The following RAD9B variants were observed in gnomAD, a reference collection of about 807,000 sequenced individuals.
RAD9B encodes the protein RAD9 checkpoint clamp component B.
Under a neutral mutation model 48.3 loss-of-function variants are expected in RAD9B, and 41 were observed. The ratio of observed to expected loss-of-function variants is 0.85; its 90% CI spans 0.66 to 1.10. The LOEUF is 1.10. Ranked by LOEUF, RAD9B falls within the 50% of genes least tolerant of loss-of-function variation. The pLI, the probability that RAD9B is intolerant of heterozygous loss-of-function variation, is 0.00. For missense variants in RAD9B, 444 were observed against 485.1 expected (o/e 0.92, Z 0.80); for synonymous variants, 160 against 157.9 (o/e 1.01, Z -0.10).
rs1343600960 is a variant in RAD9B, at chr12:110,522,413, TA to T, written c.1125+6del. ...CCAGGGTCTCTGTGTCTCAGAAAGG[TA>T]AAAGCATTGAGATTCAACCACATCT... is the stretch of plus-strand genomic sequence containing the variant. On this transcript the variant is annotated splice_donor_region_variant and intron_variant, in intron 10 of 10. Coordinates refer to ENST00000409300, the MANE Select transcript of RAD9B (RefSeq NM_001286535.2). 6.3e-7 allele frequency: 1 copy of T among 1,592,414 alleles called. No homozygotes were observed. The highest frequency in any genetic ancestry group is 8.6e-7 in the Non-Finnish European group (1 of 1,166,408).
At position 110,521,162 on chromosome 12, in the gene RAD9B, A is replaced by T. The variant is rs185204856; in HGVS notation, c.891-1015A>T. ...GTATACTTGTATTTTCAAATTTTTT[A>T]AAAAAATTTTTTGAGACAGGGTCTC... On this transcript the variant is annotated intron_variant, in intron 9 of 10. Transcript: ENST00000409300. Among the ~76,000 whole-genome samples the T allele has an allele frequency of 6.9e-3, 1,045 of 151,558 alleles. 1 individual carries two copies. Among genetic ancestry groups the T allele is most frequent in the Non-Finnish European group, 9.4e-3 (639 of 67,766 alleles).
intron 10 of RAD9B, among the ~76,000 whole-genome samples, chr12:110,528,362 T>A (rs985565912): frequency 2.0e-5 from 3 of 152,166 alleles, no homozygotes; most frequent in African/African-American, 7.2e-5. Flanking sequence ...TTTGGAGAAG[T>A]AGATTCAGGG....
chr12:110,506,311 C>T (rs542112664), intron 3 of RAD9B, among the ~76,000 whole-genome samples: 71 of 152,160 alleles, frequency 4.7e-4, no homozygotes, highest in African/African-American at 1.6e-3. Context: ...GCCTCAGCCT[C>T]CCGAGTAGCT....
rs138451196 is a variant in RAD9B at position 110,530,920 on chromosome 12, T to G, written c.*267T>G. Reference sequence around the variant, plus strand: ...AAAAAAGCCCATTAGAGTTCTTCAATTCAATGCACGTTCACCCTAGAGCTT... The same window carrying G: ...AAAAAAGCCCATTAGAGTTCTTCAAGTCAATGCACGTTCACCCTAGAGCTT... On this transcript the variant is annotated 3_prime_UTR_variant, in exon 11 of 11. Transcript: ENST00000409300. The G allele has an allele frequency of 1.3e-3, 1,493 of 1,180,350 alleles. 7 individuals are homozygous for G. In the African/African-American group the frequency reaches 0.021, roughly 17 times the overall value. The allele number at this position is 1,180,350 out of a possible 1,614,324, so 73.1% of individuals were successfully genotyped here.
At chr12:110,505,396 G>A (rs1411891329) in intron 2 of RAD9B, among the ~76,000 whole-genome samples, 1 of 151,988 alleles carries the variant, frequency 6.6e-6, no homozygotes, top group African/African-American at 2.4e-5. Context: ...ACATAATGAC[G>A]TTTTCTGAAT....
chr12:110,511,558 T>C, intron 4 of RAD9B: 1 of 432,500 alleles, frequency 2.3e-6, no homozygotes, highest in Non-Finnish European at 4.7e-6. Context: ...GAATGGTAGA[T>C]ACCAGAGGCT....
At position 110,530,892 on chromosome 12, in the gene RAD9B, A is replaced by C. The variant is rs2135746341; in HGVS notation, c.*239A>C. On this transcript the variant is annotated 3_prime_UTR_variant, in exon 11 of 11. Coordinates refer to ENST00000409300, the MANE Select transcript of RAD9B (RefSeq NM_001286535.2). ...TGTGAGGCAGAAGAGTTTTCTGTGA[A>C]GGAAAAAAGCCCATTAGAGTTCTTC... 2.4e-6 allele frequency: 3 copies of C among 1,243,626 alleles called. No individual in the cohort carries two copies. Among genetic ancestry groups the C allele is most frequent in the Non-Finnish European group, 3.0e-6 (3 of 987,556 alleles). 77.0% of individuals were successfully genotyped at this position (1,243,626 alleles called of 1,614,324 possible).
At chr12:110,519,624 CG>C (rs1420216275) in intron 8 of RAD9B, among the ~76,000 whole-genome samples, 169 bp from the exon 9 acceptor site, 3 of 151,782 alleles carry the variant, frequency 2.0e-5, no homozygotes, top group Non-Finnish European at 2.9e-5. Context: ...TTAGTAGAGA[CG>C]GGGTTTCTTC....
intron 5 of RAD9B, 30 bp from the exon 6 acceptor site, chr12:110,515,020 A>C (rs2063565997): frequency 3.1e-6 from 4 of 1,304,330 alleles, no homozygotes; most frequent in Non-Finnish European, 4.3e-6. Context: ...TTTTTCAAAT[A>C]ATGTTAATAC....
chr12:110,511,514 C>A, intron 4 of RAD9B: 1 of 450,400 alleles, frequency 2.2e-6, no homozygotes, highest in South Asian at 1.6e-5. Flanking sequence ...ACAATGTGGA[C>A]GCTAAAAAGT....
At chr12:110,528,831 G>T (rs1419663318) in intron 10 of RAD9B, among the ~76,000 whole-genome samples, 1 of 152,176 alleles carries the variant, frequency 6.6e-6, no homozygotes, top group Non-Finnish European at 1.5e-5. Flanking sequence ...GGGTTCAAGT[G>T]ATTTTTGTGC....
At chr12:110,522,838 T>C (rs534359195) in intron 10 of RAD9B, among the ~76,000 whole-genome samples, 1 of 152,366 alleles carries the variant, frequency 6.6e-6, no homozygotes, top group East Asian at 1.9e-4. Flanking sequence ...AGTACAAACG[T>C]AAATTTCATC....
rs1285171182 is a variant in RAD9B, at chr12:110,506,566, A to G, written c.274-13A>G. On this transcript the variant is annotated splice_polypyrimidine_tract_variant and intron_variant, in intron 3 of 10. Transcript: ENST00000409300. Reference sequence around the variant, plus strand: ...TGTTAAGTATGTGCTTAATATGTATATTTCTGTTACAGTCAATTTTGCCCA... The same window carrying G: ...TGTTAAGTATGTGCTTAATATGTATGTTTCTGTTACAGTCAATTTTGCCCA... 2 of 1,220,822 alleles carry G rather than the reference A, an allele frequency of 1.6e-6. No individual in the cohort carries two copies. Among genetic ancestry groups the G allele is most frequent in the South Asian group, 2.4e-5 (2 of 82,396 alleles). 75.6% of individuals were successfully genotyped at this position (1,220,822 alleles called of 1,614,324 possible). A position where few individuals can be genotyped will look rare whatever the true frequency, so the allele number is the denominator to read the frequency against.
At chr12:110,518,195 GAAAA>G (rs201639460) in intron 6 of RAD9B, among the ~76,000 whole-genome samples, 1 of 136,632 alleles carries the variant, frequency 7.3e-6, no homozygotes, top group African/African-American at 2.8e-5. Context: ...CGTCTCAAAA[GAAAA>G]AAAAAAAAAG....
At chr12:110,507,473 ATG>A (rs2063323994) in intron 4 of RAD9B, among the ~76,000 whole-genome samples, 2 of 12,750 alleles carry the variant, frequency 1.6e-4, no homozygotes, top group Non-Finnish European at 3.3e-4. Context: ...TATAATATAT[ATG>A]TATTAAATAT....
At chr12:110,516,676 G>A (rs943415357) in intron 6 of RAD9B, among the ~76,000 whole-genome samples, 1 of 151,996 alleles carries the variant, frequency 6.6e-6, no homozygotes, top group Non-Finnish European at 1.5e-5. Context: ...GGGGCGTGGT[G>A]GTGTGCACCT....
In RAD9B at chr12:110,506,440, G is replaced by C. The variant is rs1023810901; in HGVS notation, c.274-139G>C. ...CCTGACCTCGTGATCCGCCCGCCTC[G>C]GCCTCCCAAAGTGCTGGGATTACAG... On this transcript the variant is annotated intron_variant, in intron 3 of 10. Coordinates refer to ENST00000409300, the MANE Select transcript of RAD9B (RefSeq NM_001286535.2). 3.2e-5 allele frequency: 16 copies of C among 504,528 alleles called. No homozygotes were observed. In the Middle Eastern group the frequency reaches 1.5e-3, roughly 49 times the overall value. The allele number at this position is 504,528 out of a possible 1,614,324, so 31.3% of individuals were successfully genotyped here.
At chr12:110,511,378 C>G (rs1325251468) in intron 4 of RAD9B, 1 of 383,380 alleles carries the variant, frequency 2.6e-6, no homozygotes, top group Non-Finnish European at 5.3e-6. Flanking sequence ...TATATATACA[C>G]AATGGAATAC....
Position 110,531,755 on chromosome 12 carries a change from T to C in RAD9B, c.*1102T>C, listed in dbSNP as rs1003072436. ...TTACCTGCACAAATGGACTAAAAAA[T>C]CTGGCACAAAACATTGTTATGTAAT... On this transcript the variant is annotated 3_prime_UTR_variant, in exon 11 of 11. Transcript: ENST00000409300. 15 of 868,392 alleles carry C rather than the reference T, an allele frequency of 1.7e-5. No homozygotes were observed. In the Admixed American group the frequency reaches 2.3e-4, roughly 14 times the overall value. 53.8% of individuals were successfully genotyped at this position (868,392 alleles called of 1,614,324 possible).
Sources: allele counts gnomAD v4.1 joint callset (sites outside exome capture counted in the v4.1 genomes callset), GRCh38; gene constraint gnomAD v4.1.1; transcripts MANE v1.5; gene names NCBI Gene and HGNC (gene_info 2026-07-23, HGNC 2026-07-21).